ITPKB: variants seen among roughly 807,000 people sequenced by gnomAD.
The protein encoded by ITPKB is inositol-trisphosphate 3-kinase B.
In ITPKB, 13 loss-of-function variants were observed where a neutral mutation model predicts 69.4. The ratio of observed to expected loss-of-function variants is 0.19; its 90% CI spans 0.12 to 0.30. The LOEUF is 0.30. Ranked by LOEUF, ITPKB falls within the 10% of genes least tolerant of loss-of-function variation. ITPKB has a pLI of 1.00. For missense variants in ITPKB, 1,240 were observed against 1,250.5 expected (o/e 0.99, Z 0.13); for synonymous variants, 584 against 513.7 (o/e 1.14, Z -1.85).
intron 2 of ITPKB, chr1:226,707,452 C>T (rs530193586): frequency 2.4e-6 from 2 of 823,208 alleles, no homozygotes; most frequent in Non-Finnish European, 2.9e-6. Flanking sequence ...CCGCCTTGGC[C>T]TCCTAAAGTG....
intron 2 of ITPKB, among the ~76,000 whole-genome samples, chr1:226,667,474 G>T (rs1304416639): frequency 6.6e-6 from 1 of 152,182 alleles, no homozygotes; most frequent in Non-Finnish European, 1.5e-5. Context: ...ACACCCAGAG[G>T]CCAAGAACCA....
intron 2 of ITPKB, among the ~76,000 whole-genome samples, chr1:226,713,480 G>A (rs943486636): frequency 2.0e-5 from 3 of 152,168 alleles, no homozygotes; most frequent in Non-Finnish European, 4.4e-5. Context: ...ACAGGTTTCC[G>A]GTGTCATCCC....
chr1:226,711,419 G>C (rs980500067), intron 2 of ITPKB, among the ~76,000 whole-genome samples: 1 of 116,032 alleles, frequency 8.6e-6, no homozygotes, highest in African/African-American at 3.4e-5. Context: ...GAGAGAGAGA[G>C]AGAGAGAGAG....
chr1:226,737,531 C>T lies in ITPKB; in HGVS notation c.-73G>A. The stretch of plus-strand genomic sequence containing the variant: ...CGCCGCCGGCGCCTCCTCCTCCCGG[C>T]GCTCCCGGCTCAGCCCCGGAGGCCC... On this transcript the variant is annotated 5_prime_UTR_variant, in exon 2 of 8. Transcript: ENST00000429204. 1 of 1,379,314 alleles carries T rather than the reference C, an allele frequency of 7.2e-7. No individual in the cohort carries two copies. The allele number at this position is 1,379,314 out of a possible 1,614,324, so 85.4% of individuals were successfully genotyped here.
chr1:226,723,628 G>A (rs1303411017), intron 2 of ITPKB, among the ~76,000 whole-genome samples: 1 of 152,060 alleles, frequency 6.6e-6, no homozygotes, highest in East Asian at 1.9e-4. Flanking sequence ...TCTCTTATGA[G>A]CTACAGTGAC....
In ITPKB at chr1:226,637,875, G is replaced by T; in HGVS notation, c.2554-125C>A. The stretch of plus-strand genomic sequence containing the variant: ...TTACCCTAAACGCCGGACATCTAGA[G>T]GCAGCTTCCTGCGAGCAGGGCTGCT... On this transcript the variant is annotated intron_variant, in intron 6 of 7. Transcript: ENST00000429204. The surrounding 1 kb of genome is among the most constrained non-coding windows in gnomAD (Gnocchi z 4.3). 1.4e-6 allele frequency: 1 copy of T among 706,984 alleles called. No individual in the cohort carries two copies. Among genetic ancestry groups the T allele is most frequent in the East Asian group, 2.7e-5 (1 of 36,862 alleles). 43.8% of individuals were successfully genotyped at this position (706,984 alleles called of 1,614,324 possible).
chr1:226,693,421 A>G (rs1005675791), intron 2 of ITPKB, among the ~76,000 whole-genome samples: 1 of 152,152 alleles, frequency 6.6e-6, no homozygotes, highest in Non-Finnish European at 1.5e-5. Flanking sequence ...TAATTTCTAG[A>G]CTTTAGAACC....
chr1:226,692,228 C>G (rs978551421), intron 2 of ITPKB, among the ~76,000 whole-genome samples: 15 of 152,120 alleles, frequency 9.9e-5, no homozygotes, highest in African/African-American at 3.6e-4. Context: ...TTACACTAGG[C>G]TGCCTCTCAA....
chr1:226,691,663 C>T (rs1656355691), intron 2 of ITPKB, among the ~76,000 whole-genome samples: 1 of 152,192 alleles, frequency 6.6e-6, no homozygotes, highest in Non-Finnish European at 1.5e-5. Flanking sequence ...AGACTGAGGT[C>T]TTTAGGAAAA....
chr1:226,735,826 G>T lies in ITPKB; in HGVS notation c.1633C>A (p.Pro545Thr), dbSNP rs1262615684. 28 of 1,608,644 alleles carry T rather than the reference G, an allele frequency of 1.7e-5. No homozygotes were observed. The highest frequency in any genetic ancestry group is 2.3e-5 in the Non-Finnish European group (27 of 1,175,788). ...TCCGGATCTTGGGGTAGCAGCTCCG[G>T]ACTTGGGAGGGCATCACTGTCCTGC... ...QRQDSDALPS[P>T]ELLPQDPDKP... Residue 545 changes from proline to threonine, a missense_variant, in exon 2 of 8, where the codon CCG becomes ACG. Pro to Thr is a conservative substitution (Grantham distance 38). Coordinates refer to ENST00000429204, the MANE Select transcript of ITPKB (RefSeq NM_002221.4).
intron 2 of ITPKB, among the ~76,000 whole-genome samples, chr1:226,696,322 T>C (rs1468018819): frequency 7.2e-6 from 1 of 138,138 alleles, no homozygotes; most frequent in Non-Finnish European, 1.5e-5. Flanking sequence ...GATCTACGTG[T>C]GTGTGTGTGT....
Position 226,642,067 on chromosome 1 carries a change from T to C in ITPKB, c.2305A>G (p.Met769Val). The C allele has an allele frequency of 6.2e-7, 1 of 1,614,166 alleles. No individual in the cohort carries two copies. Among genetic ancestry groups the C allele is most frequent in the Non-Finnish European group, 8.5e-7 (1 of 1,180,034 alleles). ...TCCACCTCGATCATCTTCTGGTACA[T>C]GTCCTTCCGCAGGCTGGGCTTCTTC... ...ARKKPSLRKDMYQKMIEVDPE... is the reference protein window; with the variant it reads ...ARKKPSLRKDVYQKMIEVDPE... Residue 769 changes from methionine to valine, a missense_variant, in exon 5 of 8, where the codon ATG (methionine) becomes GTG (valine). Met to Val is a conservative substitution (Grantham distance 21). Coordinates refer to ENST00000429204, the MANE Select transcript of ITPKB (RefSeq NM_002221.4). This position sits in a 1 kb window ranked among gnomAD's most constrained non-coding sequence, Gnocchi z 6.4.
Position 226,647,400 on chromosome 1 carries a change from G to A in ITPKB, c.2033-20C>T, listed in dbSNP as rs1255490799. ...AACTCCCTGGAGAGCAAGTGTAGAAGGTTCCTGGTCTCCGGCTGCAGGTAG... is the reference window on the plus strand; with the variant it reads ...AACTCCCTGGAGAGCAAGTGTAGAAAGTTCCTGGTCTCCGGCTGCAGGTAG... On this transcript the variant is annotated intron_variant, in intron 3 of 7. Coordinates refer to ENST00000429204, the MANE Select transcript of ITPKB (RefSeq NM_002221.4). 4 of 1,592,698 alleles carry A rather than the reference G, an allele frequency of 2.5e-6. No individual in the cohort carries two copies. Among genetic ancestry groups the A allele is most frequent in the Admixed American group, 1.7e-5 (1 of 58,662 alleles).
chr1:226,645,109 C>A (rs1445528676), intron 4 of ITPKB, among the ~76,000 whole-genome samples: 1 of 152,216 alleles, frequency 6.6e-6, no homozygotes, highest in African/African-American at 2.4e-5. Context: ...CCTGCTTACA[C>A]TGGAACATGA....
chr1:226,664,440 T>G (rs922712663), intron 2 of ITPKB, among the ~76,000 whole-genome samples: 7 of 148,268 alleles, frequency 4.7e-5, no homozygotes, highest in African/African-American at 1.5e-4. Flanking sequence ...ATCTGCTGTG[T>G]GCCGGGCAGT....
chr1:226,652,561 C>T (rs1159629127), intron 2 of ITPKB, among the ~76,000 whole-genome samples: 1 of 152,240 alleles, frequency 6.6e-6, no homozygotes, highest in Non-Finnish European at 1.5e-5. Flanking sequence ...GCCTCTGTCT[C>T]TTCTCTGTCT....
chr1:226,681,210 G>A (rs1241966243), intron 2 of ITPKB, among the ~76,000 whole-genome samples: 2 of 152,128 alleles, frequency 1.3e-5, no homozygotes, highest in Non-Finnish European at 2.9e-5. Flanking sequence ...CTGGTTCCGA[G>A]GCCAGATTGT....
At chr1:226,655,167 T>C (rs1021314139) in intron 2 of ITPKB, among the ~76,000 whole-genome samples, 3 of 152,164 alleles carry the variant, frequency 2.0e-5, no homozygotes, top group African/African-American at 7.2e-5. Context: ...GCTGTGGGGA[T>C]GTGTGGGCCT....
chr1:226,690,203 A>T (rs192886797), intron 2 of ITPKB, among the ~76,000 whole-genome samples: 1 of 152,284 alleles, frequency 6.6e-6, no homozygotes, highest in Admixed American at 6.5e-5. Context: ...AGTCTTCCAT[A>T]GTGGTTGAAC....
Sources: allele counts gnomAD v4.1 joint callset (sites outside exome capture counted in the v4.1 genomes callset), GRCh38; gene constraint gnomAD v4.1.1; non-coding constraint Gnocchi (gnomAD v3.1); transcripts MANE v1.5; gene names NCBI Gene and HGNC (gene_info 2026-07-23, HGNC 2026-07-21).